SEMA5A: variants seen among roughly 807,000 people sequenced by gnomAD.
SEMA5A encodes the protein semaphorin 5A.
In SEMA5A, 55 loss-of-function variants were observed where a neutral mutation model predicts 135.5. The ratio of observed to expected loss-of-function variants is 0.41; its 90% CI spans 0.33 to 0.51. The LOEUF is 0.51. SEMA5A is among the 20% of genes least tolerant of loss of function. The pLI, the probability that SEMA5A is intolerant of heterozygous loss-of-function variation, is 0.37. For synonymous variants in SEMA5A, 580 were observed against 546.5 expected, an observed-to-expected ratio of 1.06 and a Z score of -0.85; for missense variants, 1,290 against 1,419.9, an observed-to-expected ratio of 0.91 and a Z score of 1.47.
At chr5:9,384,918 A>G (rs1399057594) in intron 2 of SEMA5A, among the ~76,000 whole-genome samples, 2 of 152,214 alleles carry the variant, frequency 1.3e-5, no homozygotes, top group Admixed American at 6.5e-5. Flanking sequence ...CCTGTTAATT[A>G]TAACTATGTG....
intron 16 of SEMA5A, among the ~76,000 whole-genome samples, chr5:9,100,924 T>C (rs2150141521): frequency 6.6e-6 from 1 of 152,146 alleles, no homozygotes; most frequent in Non-Finnish European, 1.5e-5. Context: ...GTGCACAACC[T>C]GCACAACTGT....
chr5:9,461,175 T>C (rs776922464), intron 1 of SEMA5A, among the ~76,000 whole-genome samples: 4 of 152,224 alleles, frequency 2.6e-5, no homozygotes, highest in Non-Finnish European at 2.9e-5. Context: ...TAAAAGCTCA[T>C]GTGTGAAGAT....
rs574473241 is a variant in SEMA5A, at chr5:9,119,535, C to A, written c.1782-394G>T. The stretch of plus-strand genomic sequence containing the variant: ...AGGATTTTTTGGACTTGTATTATAT[C>A]ATTTATAATCTATGAGAAGTGCACC... On this transcript the variant is annotated intron_variant, in intron 14 of 22. Transcript: ENST00000382496. 2.1e-4 allele frequency among the ~76,000 whole-genome samples: 32 copies of A among 152,258 alleles called. No homozygotes were observed. In the South Asian group the frequency reaches 6.4e-3, roughly 31 times the overall value.
intron 11 of SEMA5A, among the ~76,000 whole-genome samples, chr5:9,178,492 C>T (rs545319298): frequency 1.3e-5 from 2 of 152,038 alleles, no homozygotes; most frequent in African/African-American, 2.4e-5. Flanking sequence ...CCCCCACACC[C>T]GGCTACTTTT....
rs1197583783 is a variant in SEMA5A, at chr5:9,224,887, A to T, written c.433T>A (p.Leu145Met). 1 of 1,610,954 alleles carries T rather than the reference A, an allele frequency of 6.2e-7. No individual in the cohort carries two copies. The highest frequency in any genetic ancestry group is 8.5e-7 in the Non-Finnish European group (1 of 1,178,380). Reference protein sequence around the residue: ...AFTPVCTNRSLSNLTEIHDQI... With the variant: ...AFTPVCTNRSMSNLTEIHDQI... ...TCATGGATCTCAGTCAGGTTGCTCA[A>T]CTGTGGGGGAGGATGAGAGGGAAAG... Residue 145 changes from leucine (L) to methionine (M), a missense_variant and splice_region_variant, in exon 8 of 23, where the codon TTG becomes ATG. Coordinates refer to ENST00000382496, the MANE Select transcript of SEMA5A (RefSeq NM_003966.3).
chr5:9,436,498 C>T (rs933229443), intron 2 of SEMA5A, among the ~76,000 whole-genome samples: 9 of 152,182 alleles, frequency 5.9e-5, no homozygotes, highest in African/African-American at 1.9e-4. Flanking sequence ...GAGGGCCCAG[C>T]TCTAAGACCC....
intron 6 of SEMA5A, among the ~76,000 whole-genome samples, chr5:9,236,792 C>G (rs925329323): frequency 6.6e-6 from 1 of 152,162 alleles, no homozygotes; most frequent in Non-Finnish European, 1.5e-5. Flanking sequence ...TTTCCTCCTT[C>G]TCTTCTTCCT....
chr5:9,223,311 G>A (rs947632168), intron 8 of SEMA5A, among the ~76,000 whole-genome samples: 14 of 152,172 alleles, frequency 9.2e-5, no homozygotes, highest in African/African-American at 3.1e-4. Flanking sequence ...TGATTAGGTT[G>A]ACTGTATTAT....
intron 2 of SEMA5A, among the ~76,000 whole-genome samples, chr5:9,389,036 T>A (rs1425536216): frequency 6.6e-6 from 1 of 152,226 alleles, no homozygotes; most frequent in African/African-American, 2.4e-5. Context: ...ACCCTTCTAC[T>A]GTCATCAGTC....
At chr5:9,379,292 T>C (rs1403555593) in intron 3 of SEMA5A, among the ~76,000 whole-genome samples, 2 of 152,198 alleles carry the variant, frequency 1.3e-5, no homozygotes, top group Admixed American at 1.3e-4. Context: ...TGAAGGACCT[T>C]AAATAAATTT....
At chr5:9,250,298 A>C (rs1442914634) in intron 5 of SEMA5A, among the ~76,000 whole-genome samples, 1 of 152,180 alleles carries the variant, frequency 6.6e-6, no homozygotes, top group African/African-American at 2.4e-5. Context: ...CAGCAGTAGC[A>C]CAAGTCTGCC....
At chr5:9,188,704 C>A (rs928345505) in intron 11 of SEMA5A, among the ~76,000 whole-genome samples, 1 of 108,546 alleles carries the variant, frequency 9.2e-6, no homozygotes, top group African/African-American at 4.3e-5. Context: ...ATTCATCCCA[C>A]AAACCTATTC....
In SEMA5A at chr5:9,153,626, G is replaced by A. The variant is rs1037714795; in HGVS notation, c.1481+862C>T. ...GTGGCGGGGGAGGGGGGGGTGTCCC[G>A]GAAAGTGGGTGCCACTGCAGCAACA... On this transcript the variant is annotated intron_variant, in intron 12 of 22. Transcript: ENST00000382496. Among the ~76,000 whole-genome samples, 8 of 151,630 alleles carry A rather than the reference G, an allele frequency of 5.3e-5. No homozygotes were observed. The East Asian group carries it at 1.4e-3, about 26-fold the overall frequency.
intron 5 of SEMA5A, among the ~76,000 whole-genome samples, chr5:9,279,150 G>C (rs998213600): frequency 6.6e-6 from 1 of 152,220 alleles, no homozygotes; most frequent in African/African-American, 2.4e-5. Context: ...CAGGGGCAGA[G>C]CTGCCAAAGG....
intron 3 of SEMA5A, among the ~76,000 whole-genome samples, chr5:9,341,015 T>C (rs1308481258): frequency 6.6e-6 from 1 of 152,174 alleles, no homozygotes; most frequent in Non-Finnish European, 1.5e-5. Flanking sequence ...AAATCTCCAA[T>C]GTTACCTAGT....
chr5:9,503,653 C>G (rs1015287471), intron 1 of SEMA5A, among the ~76,000 whole-genome samples: 2 of 152,202 alleles, frequency 1.3e-5, no homozygotes, highest in Non-Finnish European at 2.9e-5. Context: ...AAATGTTGGA[C>G]ACCTTCTCAT....
intron 11 of SEMA5A, among the ~76,000 whole-genome samples, chr5:9,184,464 C>A (rs531945960): frequency 1.3e-5 from 2 of 152,232 alleles, no homozygotes; most frequent in Non-Finnish European, 2.9e-5. Context: ...AGACAGGGTT[C>A]TTTGGTTCAA....
intron 1 of SEMA5A, among the ~76,000 whole-genome samples, chr5:9,504,304 T>C (rs755474464): frequency 1.3e-5 from 2 of 151,154 alleles, no homozygotes; most frequent in Non-Finnish European, 2.9e-5. Flanking sequence ...TTCTTGCTAA[T>C]ATTATAAAAC....
intron 5 of SEMA5A, among the ~76,000 whole-genome samples, chr5:9,270,290 A>G (rs7714286): frequency 0.01 from 1,567 of 152,130 alleles, 21 homozygotes; most frequent in African/African-American, 0.032. Flanking sequence ...TTCATGATCT[A>G]TCCATGCACC....
Sources: allele counts gnomAD v4.1 joint callset (sites outside exome capture counted in the v4.1 genomes callset), GRCh38; gene constraint gnomAD v4.1.1; transcripts MANE v1.5; gene names NCBI Gene and HGNC (gene_info 2026-07-23, HGNC 2026-07-21).